Variants in AK5 observed in about 807,000 individuals in gnomAD.
AK5 encodes the protein adenylate kinase isoenzyme 5.
A neutral mutation model predicts 69.5 loss-of-function variants in AK5; 27 were observed. That is an observed-to-expected ratio of 0.39 (90% CI 0.29 to 0.54). The LOEUF is 0.54. AK5 is among the 20% of genes least tolerant of loss of function. The probability of loss-of-function intolerance (pLI) is 0.71; values close to 1 mark genes in which losing one functional copy is unlikely to be tolerated. For missense variants in AK5, 531 were observed against 700.4 expected (o/e 0.76, Z 2.73); for synonymous variants, 260 against 244.4 (o/e 1.06, Z -0.60).
chr1:77,482,923 AG>A (rs1655345315), intron 8 of AK5, among the ~76,000 whole-genome samples: 1 of 147,142 alleles, frequency 6.8e-6, no homozygotes, highest in South Asian at 2.2e-4. Flanking sequence ...CCTACCACTA[AG>A]CTTCTGATAC....
At chr1:77,318,371 C>A (rs1441887494) in intron 5 of AK5, among the ~76,000 whole-genome samples, 1 of 152,098 alleles carries the variant, frequency 6.6e-6, no homozygotes, top group Non-Finnish European at 1.5e-5. Flanking sequence ...GAACTTTGCC[C>A]CCATGATCTA....
At chr1:77,356,792 G>C (rs1302379509) in intron 6 of AK5, among the ~76,000 whole-genome samples, 4 of 152,190 alleles carry the variant, frequency 2.6e-5, no homozygotes, top group Non-Finnish European at 5.9e-5. Flanking sequence ...TTCTTTCAAT[G>C]TATTGGATTT....
chr1:77,358,530 A>G (rs1453379849), intron 6 of AK5, among the ~76,000 whole-genome samples: 1 of 152,244 alleles, frequency 6.6e-6, no homozygotes, highest in Non-Finnish European at 1.5e-5. Flanking sequence ...AGAAAAGACC[A>G]AGACAACTAT....
At chr1:77,299,247 A>T (rs1219727968) in intron 5 of AK5, among the ~76,000 whole-genome samples, 1 of 139,674 alleles carries the variant, frequency 7.2e-6, no homozygotes, top group Non-Finnish European at 1.6e-5. Flanking sequence ...ATTTTCATAC[A>T]CTCATTGGCC....
chr1:77,283,691 G>C (rs1658190736), intron 1 of AK5: 1 of 861,842 alleles, frequency 1.2e-6, no homozygotes, highest in Non-Finnish European at 1.4e-6. Flanking sequence ...AAAATAATTA[G>C]GTGGTGTTGC....
intron 6 of AK5, among the ~76,000 whole-genome samples, chr1:77,389,301 G>A (rs746896182): frequency 6.6e-5 from 10 of 152,208 alleles, no homozygotes; most frequent in Non-Finnish European, 1.3e-4. Context: ...TTTCAAACGT[G>A]TAGTTAAGAT....
At chr1:77,302,842 T>C (rs1659417763) in intron 5 of AK5, among the ~76,000 whole-genome samples, 1 of 152,188 alleles carries the variant, frequency 6.6e-6, no homozygotes. Context: ...TTTCCAGCCA[T>C]TTCTTTAGCT....
chr1:77,433,100 C>T (rs1382754763), intron 8 of AK5, among the ~76,000 whole-genome samples: 2 of 152,100 alleles, frequency 1.3e-5, no homozygotes, highest in East Asian at 1.9e-4. Context: ...TCTTCTAAGG[C>T]GGCAAGCACA....
In AK5 at chr1:77,544,536, C is replaced by CT. The variant is rs568631524; in HGVS notation, c.1620+8509dup. ...TGTTTTTTTCTATTTTAAAAAAAGTCTTTTTTTTTTTACTTTTTAAGCTTT... is the reference window on the plus strand; with the variant it reads ...TGTTTTTTTCTATTTTAAAAAAAGTCTTTTTTTTTTTTACTTTTTAAGCTTT... On this transcript the variant is annotated intron_variant, in intron 13 of 13. Coordinates refer to ENST00000354567, the MANE Select transcript of AK5 (RefSeq NM_174858.3). Among the ~76,000 whole-genome samples the CT allele has an allele frequency of 5.1e-3, 739 of 144,792 alleles. 7 individuals are homozygous for CT. Among genetic ancestry groups the CT allele is most frequent in the African/African-American group, 0.016 (633 of 39,594 alleles). 95.0% of individuals were successfully genotyped at this position (144,792 alleles called of 152,430 possible).
intron 13 of AK5, among the ~76,000 whole-genome samples, chr1:77,552,176 G>A (rs1229617620): frequency 6.6e-6 from 1 of 152,144 alleles, no homozygotes; most frequent in South Asian, 2.1e-4. Context: ...TTAGGTCGGT[G>A]TAGCCAGAAC....
intron 12 of AK5, among the ~76,000 whole-genome samples, chr1:77,522,874 A>T (rs1298996246): frequency 1.3e-5 from 2 of 152,168 alleles, no homozygotes; most frequent in African/African-American, 4.8e-5. Context: ...CATTTTTCAT[A>T]TACAGTTTTC....
chr1:77,320,639 C>T (rs1339844010), intron 5 of AK5, among the ~76,000 whole-genome samples: 1 of 152,080 alleles, frequency 6.6e-6, no homozygotes, highest in Non-Finnish European at 1.5e-5. Flanking sequence ...ATACCAGCTA[C>T]TCAGGAAGCT....
At chr1:77,511,976 C>T (rs1326488449) in intron 10 of AK5, among the ~76,000 whole-genome samples, 1 of 152,106 alleles carries the variant, frequency 6.6e-6, no homozygotes, top group African/African-American at 2.4e-5. Flanking sequence ...AGAATAGATC[C>T]AAATAACGAA....
chr1:77,359,399 T>C (rs1646821965), intron 6 of AK5, among the ~76,000 whole-genome samples: 1 of 152,246 alleles, frequency 6.6e-6, no homozygotes, highest in Non-Finnish European at 1.5e-5. Context: ...AATCCATATG[T>C]AGCATGTTAA....
intron 8 of AK5, among the ~76,000 whole-genome samples, chr1:77,440,043 T>A (rs1652225568): frequency 1.3e-5 from 2 of 152,172 alleles, no homozygotes; most frequent in Admixed American, 1.3e-4. Flanking sequence ...ATTCTTTTCT[T>A]TCTCTTTGGT....
intron 6 of AK5, among the ~76,000 whole-genome samples, chr1:77,368,302 A>ATGTTATATATGTT (rs1491255131): frequency 8.1e-4 from 80 of 98,166 alleles, no homozygotes; most frequent in African/African-American, 3.0e-3. Context: ...TGTTATATAT[A>ATGTTATATATGTT]ATATATATGT....
intron 6 of AK5, among the ~76,000 whole-genome samples, chr1:77,386,384 G>C (rs1232299356): frequency 6.6e-6 from 1 of 152,112 alleles, no homozygotes; most frequent in East Asian, 1.9e-4. Flanking sequence ...ATGGAGAAGG[G>C]GGCTAGAGCT....
chr1:77,323,501 A>G (rs12092582), intron 5 of AK5, among the ~76,000 whole-genome samples: 3,092 of 152,316 alleles, frequency 0.02, 103 homozygotes, highest in African/African-American at 0.071. Context: ...TCTTGTCTGA[A>G]AAGTTTTAGG....
At chr1:77,522,547 G>A (rs1199000027) in intron 12 of AK5, among the ~76,000 whole-genome samples, 1 of 152,112 alleles carries the variant, frequency 6.6e-6, no homozygotes, top group Non-Finnish European at 1.5e-5. Context: ...AATGGGTGCT[G>A]GACAGGCAGA....
Sources: allele counts gnomAD v4.1 joint callset (sites outside exome capture counted in the v4.1 genomes callset), GRCh38; gene constraint gnomAD v4.1.1; transcripts MANE v1.5; gene names NCBI Gene and HGNC (gene_info 2026-07-23, HGNC 2026-07-21).